The following COX18 variants were observed in gnomAD, a reference collection of about 807,000 sequenced individuals.
COX18 encodes the protein cytochrome c oxidase assembly factor COX18.
A neutral mutation model predicts 38.0 loss-of-function variants in COX18; 45 were observed. The observed-to-expected ratio is 1.18, with a 90% CI of 0.93 to 1.52. COX18 has a LOEUF of 1.52. Ranked by LOEUF, COX18 falls within the 40% of genes most tolerant of loss-of-function variation. The probability of loss-of-function intolerance (pLI) is 0.00; values close to 1 mark genes in which losing one functional copy is unlikely to be tolerated. For synonymous variants in COX18, 177 were observed against 169.8 expected, an observed-to-expected ratio of 1.04 and a Z score of -0.33; for missense variants, 462 against 423.8, an observed-to-expected ratio of 1.09 and a Z score of -0.79.
At chr4:73,063,941 C>A (rs1720302048) in intron 4 of COX18, among the ~76,000 whole-genome samples, 1 of 152,192 alleles carries the variant, frequency 6.6e-6, no homozygotes, top group African/African-American at 2.4e-5. Context: ...AAATTATATG[C>A]ACGCTTTCCC....
In COX18 at chr4:73,064,917, T is replaced by A. The variant is rs972325396; in HGVS notation, c.599-15A>T. The A allele has an allele frequency of 5.0e-6, 8 of 1,610,902 alleles. No individual in the cohort carries two copies. The highest frequency in any genetic ancestry group is 6.8e-6 in the Non-Finnish European group (8 of 1,178,292). ...AGAAAAACCTGCTAAAACAGTTTTA[T>A]AAATAAAACAATAGAAGTCCTAAAA... On this transcript the variant is annotated splice_polypyrimidine_tract_variant and intron_variant, in intron 3 of 5. Coordinates refer to ENST00000507544, the MANE Select transcript of COX18 (RefSeq NM_001297732.2).
rs1323503844 is a variant in COX18, at chr4:73,064,872, G to A, written c.629C>T (p.Thr210Ile). 1 of 1,613,800 alleles carries A rather than the reference G, an allele frequency of 6.2e-7. No homozygotes were observed. The highest frequency in any genetic ancestry group is 2.2e-5 in the East Asian group (1 of 44,878). Reference sequence around the variant, plus strand: ...GTCAGGAAACCACAGAATTCCACCAGTAGCTAACTGTTCCTGAACAGAAAA... The same window carrying A: ...GTCAGGAAACCACAGAATTCCACCAATAGCTAACTGTTCCTGAACAGAAAA... ...AGFSVQEQLATGGILWFPDLT... is the reference protein window; with the variant it reads ...AGFSVQEQLAIGGILWFPDLT... Residue 210 changes from threonine (T) to isoleucine (I), a missense_variant, in exon 4 of 6, where the codon ACT becomes ATT. Coordinates refer to ENST00000507544, the MANE Select transcript of COX18 (RefSeq NM_001297732.2).
chr4:73,064,036 G>T (rs1242535893), intron 4 of COX18, among the ~76,000 whole-genome samples: 9 of 152,086 alleles, frequency 5.9e-5, no homozygotes, highest in Non-Finnish European at 1.5e-5. Context: ...TGTAATCCCA[G>T]CACTTTGGAA....
intron 2 of COX18, among the ~76,000 whole-genome samples, chr4:73,067,616 T>C (rs1274612242): frequency 1.3e-5 from 2 of 150,620 alleles, no homozygotes; most frequent in Non-Finnish European, 3.0e-5. Flanking sequence ...CCGAGGAGGG[T>C]GGATCACCTG....
intron 2 of COX18, among the ~76,000 whole-genome samples, chr4:73,067,420 G>A (rs1465783300): frequency 6.6e-6 from 1 of 152,058 alleles, no homozygotes; most frequent in Non-Finnish European, 1.5e-5. Context: ...TTGATTACAG[G>A]TCTGTCTTTT....
At chr4:73,059,925 T>C (rs548258902) in intron 5 of COX18, among the ~76,000 whole-genome samples, 27 of 152,072 alleles carry the variant, frequency 1.8e-4, no homozygotes, top group Non-Finnish European at 3.5e-4. Flanking sequence ...AAAAAGACTA[T>C]ATTTCCTTGC....
rs1490842302 is a variant in COX18, at chr4:73,054,761, A to G, written c.*3353T>C. On this transcript the variant is annotated 3_prime_UTR_variant, in exon 6 of 6. Transcript: ENST00000507544. The stretch of plus-strand genomic sequence containing the variant: ...GAAGTATCTGGAGATAGGAAAAACC[A>G]AAGATGTTTTTTCCTACTTTCTTTT... The G allele has an allele frequency of 6.6e-6, 1 of 152,206 alleles. No homozygotes were observed. The highest frequency in any genetic ancestry group is 1.5e-5 in the Non-Finnish European group (1 of 68,042). The allele number at this position is 152,206 out of a possible 1,614,324, so 9.4% of individuals were successfully genotyped here. A position where few individuals can be genotyped will look rare whatever the true frequency, so the allele number is the denominator to read the frequency against.
chr4:73,067,136 C>T (rs1720486057), intron 2 of COX18, among the ~76,000 whole-genome samples: 1 of 152,232 alleles, frequency 6.6e-6, no homozygotes, highest in African/African-American at 2.4e-5. Context: ...AGGCAGACAA[C>T]TGCACAGAAT....
chr4:73,066,572 T>C (rs1457040946), intron 2 of COX18, among the ~76,000 whole-genome samples: 1 of 152,158 alleles, frequency 6.6e-6, no homozygotes, highest in African/African-American at 2.4e-5. Flanking sequence ...CCAGAAGCCC[T>C]CAGATGTTTC....
intron 2 of COX18, 28 bp downstream of exon 2, chr4:73,068,001 T>C: frequency 7.2e-7 from 1 of 1,384,196 alleles, no homozygotes; most frequent in Non-Finnish European, 1.0e-6. Flanking sequence ...TGTGTGCGTA[T>C]GGTCTTACGT....
At chr4:73,065,549 C>T (rs1443958589) in intron 2 of COX18, 136 bp from the exon 3 acceptor site, 3 of 671,668 alleles carry the variant, frequency 4.5e-6, no homozygotes, top group Non-Finnish European at 7.1e-6. Flanking sequence ...CTGTCACAGG[C>T]ATGTTAAGGA....
intron 5 of COX18, among the ~76,000 whole-genome samples, chr4:73,058,755 T>A (rs1413119173): frequency 6.6e-6 from 1 of 152,224 alleles, no homozygotes; most frequent in African/African-American, 2.4e-5. Flanking sequence ...TAGTAAGGAA[T>A]GCATTTTCTT....
chr4:73,067,956 G>GTA (rs1275618088), intron 2 of COX18, 73 bp downstream of exon 2: 27 of 910 alleles, frequency 0.03, no homozygotes, highest in East Asian at 0.24. Context: ...ATTTATGTAT[G>GTA]TGTGTGTGTG....
rs1434092724 is a variant in COX18, at chr4:73,064,901, T to C, written c.600A>G (p.Ala200=). The part of the protein sequence containing the change: ...NLSTGAAHSE[A]GFSVQEQLAT... ...CTAACTGTTCCTGAACAGAAAAACC[T>C]GCTAAAACAGTTTTATAAATAAAAC... Residue 200 remains alanine, a splice_region_variant and synonymous_variant, in exon 4 of 6, where the codon GCA becomes GCG. Transcript: ENST00000507544. 1.2e-5 allele frequency: 19 copies of C among 1,613,096 alleles called. No homozygotes were observed. The highest frequency in any genetic ancestry group is 1.6e-5 in the Non-Finnish European group (19 of 1,179,542).
At position 73,053,085 on chromosome 4, in the gene COX18, T is replaced by A. The variant is rs1235396592; in HGVS notation, c.*5029A>T. On this transcript the variant is annotated 3_prime_UTR_variant, in exon 6 of 6. Coordinates refer to ENST00000507544, the MANE Select transcript of COX18 (RefSeq NM_001297732.2). ...CAAAACACAGAAGGTACCAAGGTTT[T>A]TTTGGGCACTCATTTTTTCACACTA... is the stretch of plus-strand genomic sequence containing the variant. 1 of 152,174 alleles carries A rather than the reference T, an allele frequency of 6.6e-6. No individual in the cohort carries two copies. Among genetic ancestry groups the A allele is most frequent in the Non-Finnish European group, 1.5e-5 (1 of 68,036 alleles). The allele number at this position is 152,174 out of a possible 1,614,324, so 9.4% of individuals were successfully genotyped here. A position where few individuals can be genotyped will look rare whatever the true frequency, so the allele number is the denominator to read the frequency against.
At chr4:73,067,825 G>C (rs1198809774) in intron 2 of COX18, among the ~76,000 whole-genome samples, 1 of 55,684 alleles carries the variant, frequency 1.8e-5, no homozygotes, top group East Asian at 6.1e-4. Flanking sequence ...TGGGCACCAA[G>C]AGCAAAACTC....
Position 73,056,108 on chromosome 4 carries a change from G to A in COX18, c.*2006C>T, listed in dbSNP as rs1334907157. On this transcript the variant is annotated 3_prime_UTR_variant, in exon 6 of 6. Transcript: ENST00000507544. Reference sequence around the variant, plus strand: ...ATTTCACTTTAGTTTTTATTTTATTGTAAAACATTGAGATGGAATGATAGG... The same window carrying A: ...ATTTCACTTTAGTTTTTATTTTATTATAAAACATTGAGATGGAATGATAGG... 2.6e-5 allele frequency: 4 copies of A among 151,984 alleles called. No homozygotes were observed. Among genetic ancestry groups the A allele is most frequent in the Non-Finnish European group, 4.4e-5 (3 of 68,002 alleles). 9.4% of individuals were successfully genotyped at this position (151,984 alleles called of 1,614,324 possible).
chr4:73,065,732 T>C (rs532893925), intron 2 of COX18, among the ~76,000 whole-genome samples: 3 of 152,256 alleles, frequency 2.0e-5, no homozygotes, highest in Admixed American at 6.5e-5. Context: ...ACAATTAATA[T>C]TGGAAATATG....
At chr4:73,063,891 A>G (rs760291409) in intron 4 of COX18, among the ~76,000 whole-genome samples, 3 of 152,252 alleles carry the variant, frequency 2.0e-5, no homozygotes, top group Non-Finnish European at 4.4e-5. Context: ...GATTTCTTCC[A>G]GTCCAGTCTG....
Sources: allele counts gnomAD v4.1 joint callset (sites outside exome capture counted in the v4.1 genomes callset), GRCh38; gene constraint gnomAD v4.1.1; transcripts MANE v1.5; gene names NCBI Gene and HGNC (gene_info 2026-07-23, HGNC 2026-07-21).